Variants in SUSD5 observed in about 807,000 individuals in gnomAD.
SUSD5 encodes sushi domain containing 5.
SUSD5 carries 33 observed loss-of-function variants against 29.5 expected under a neutral mutation model. That is an observed-to-expected ratio of 1.12 (90% CI 0.85 to 1.49). SUSD5 has a LOEUF of 1.49. Among genes scored for constraint, SUSD5 ranks in the 40% most tolerant of loss-of-function variants. The probability of loss-of-function intolerance (pLI) is 0.00; values close to 1 mark genes in which losing one functional copy is unlikely to be tolerated. For missense variants in SUSD5, 776 were observed against 800.6 expected (o/e 0.97, Z 0.37); for synonymous variants, 308 against 325.3 (o/e 0.95, Z 0.57).
intron 4 of SUSD5, among the ~76,000 whole-genome samples, chr3:33,154,893 T>C (rs1485731955): frequency 4.6e-5 from 7 of 152,114 alleles, no homozygotes; most frequent in African/African-American, 1.7e-4. Context: ...AATAAAAATC[T>C]CAGACATTAA....
At chr3:33,211,754 A>T (rs2032328181) in intron 2 of SUSD5, among the ~76,000 whole-genome samples, 2 of 152,318 alleles carry the variant, frequency 1.3e-5, no homozygotes, top group South Asian at 4.1e-4. Flanking sequence ...TGACTAAAGA[A>T]GTGTTTATTT....
intron 4 of SUSD5, among the ~76,000 whole-genome samples, chr3:33,165,577 A>G (rs1475881680): frequency 6.6e-6 from 1 of 152,260 alleles, no homozygotes; most frequent in Non-Finnish European, 1.5e-5. Context: ...AAACTGGCAC[A>G]GTATTTGGCT....
At chr3:33,210,879 CATTA>C (rs1051409821) in intron 2 of SUSD5, among the ~76,000 whole-genome samples, 2 of 75,668 alleles carry the variant, frequency 2.6e-5, no homozygotes, top group South Asian at 4.2e-4. Context: ...TTCTTTCTTT[CATTA>C]TTTATTTTGA....
rs201460167 is a variant in SUSD5 at position 33,213,917 on chromosome 3, G to A, written c.290+11C>T. Reference sequence around the variant, plus strand: ...GGGGTGAGTTGGAAAAGGAGTGCTCGCCTAACTTACCCAAGAGTACCATCT... The same window carrying A: ...GGGGTGAGTTGGAAAAGGAGTGCTCACCTAACTTACCCAAGAGTACCATCT... On this transcript the variant is annotated intron_variant, in intron 2 of 4. Transcript: ENST00000309558. 160 of 1,580,790 alleles carry A rather than the reference G, an allele frequency of 1.0e-4. No homozygotes were observed. In the African/African-American group the frequency reaches 1.8e-3, roughly 17 times the overall value.
chr3:33,213,945 T>C lies in SUSD5; in HGVS notation c.273A>G (p.Leu91=), dbSNP rs745330968. 6.2e-7 allele frequency: 1 copy of C among 1,601,948 alleles called. No individual in the cohort carries two copies. Among genetic ancestry groups the C allele is most frequent in the Non-Finnish European group, 8.5e-7 (1 of 1,173,626 alleles). ...CSFAVCTTGW[L]ADGTLGTTVC... ...TAACTTACCCAAGAGTACCATCTGC[T>C]AGCCAGCCAGTGGTGCACACCGCAA... The change falls in exon 2 of 5, where the codon CTA becomes CTG. Residue 91 remains leucine (L), a synonymous_variant. Transcript: ENST00000309558.
chr3:33,169,056 C>T (rs919557331), intron 4 of SUSD5, among the ~76,000 whole-genome samples: 4 of 143,380 alleles, frequency 2.8e-5, no homozygotes, highest in South Asian at 4.9e-4. Context: ...AATTGGTACT[C>T]GACATTTCTA....
rs2030851190 is a variant in SUSD5, at chr3:33,150,662, T to G, written c.*2080A>C. 6.6e-6 allele frequency: 1 copy of G among 152,240 alleles called. No homozygotes were observed. Among genetic ancestry groups the G allele is most frequent in the Admixed American group, 6.5e-5 (1 of 15,288 alleles). 9.4% of individuals were successfully genotyped at this position (152,240 alleles called of 1,614,324 possible). ...CTAGTTGGTACCTTCAGGCTTTATT[T>G]TACCCAACTATGGGGAATAAGATCT... On this transcript the variant is annotated 3_prime_UTR_variant, in exon 5 of 5. Transcript: ENST00000309558.
chr3:33,175,469 G>A (rs1391330357), intron 3 of SUSD5, among the ~76,000 whole-genome samples: 1 of 151,850 alleles, frequency 6.6e-6, no homozygotes, highest in Non-Finnish European at 1.5e-5. Flanking sequence ...GTACAGCAGA[G>A]GGTATCTTTC....
intron 2 of SUSD5, among the ~76,000 whole-genome samples, chr3:33,209,551 C>CTCCTT (rs1048033127): frequency 9.3e-5 from 14 of 151,342 alleles, no homozygotes; most frequent in Admixed American, 2.6e-4. Context: ...AAGTCTTTCT[C>CTCCTT]TCCTTTCCTT....
chr3:33,186,245 T>C (rs1467559428), intron 3 of SUSD5, among the ~76,000 whole-genome samples: 2 of 150,652 alleles, frequency 1.3e-5, no homozygotes, highest in Non-Finnish European at 1.5e-5. Flanking sequence ...GAGCTTGCAG[T>C]GAGCCGAGAT....
Position 33,209,538 on chromosome 3 carries a change from T to A in SUSD5, c.291-1612A>T, listed in dbSNP as rs186255924. ...TAATCCTCTCTTTGGCTCTTTTTTT[T>A]AAAAGTCTTTCTCTCCTTTCCTTTC... On this transcript the variant is annotated intron_variant, in intron 2 of 4. Transcript: ENST00000309558. Among the ~76,000 whole-genome samples the A allele has an allele frequency of 9.5e-4, 145 of 152,180 alleles. 3 individuals are homozygous for A. The highest frequency in any genetic ancestry group is 4.4e-3 in the East Asian group (23 of 5,186).
At chr3:33,211,030 T>C (rs945549745) in intron 2 of SUSD5, among the ~76,000 whole-genome samples, 16 of 152,232 alleles carry the variant, frequency 1.1e-4, no homozygotes, top group Non-Finnish European at 2.2e-4. Flanking sequence ...CACACCACCA[T>C]GCCCAGCTAA....
intron 3 of SUSD5, among the ~76,000 whole-genome samples, chr3:33,205,339 G>C (rs1328393531): frequency 6.6e-6 from 1 of 152,056 alleles, no homozygotes; most frequent in South Asian, 2.1e-4. Context: ...CAGTTGCTTA[G>C]CCTTTTTTAT....
chr3:33,215,897 G>T (rs1559459426), intron 1 of SUSD5, among the ~76,000 whole-genome samples: 1 of 152,146 alleles, frequency 6.6e-6, no homozygotes, highest in Non-Finnish European at 1.5e-5. Flanking sequence ...AAAAAGTATG[G>T]TTGAGAATCA....
Position 33,152,431 on chromosome 3 carries a change from G to T in SUSD5, c.*311C>A. 3.5e-6 allele frequency: 1 copy of T among 287,926 alleles called. No individual in the cohort carries two copies. The highest frequency in any genetic ancestry group is 2.2e-5 in the African/African-American group (1 of 45,240). The allele number at this position is 287,926 out of a possible 1,614,324, so 17.8% of individuals were successfully genotyped here. ...TGAGACTCTGTCTCAAAAAAAAAAA[G>T]ATAATACTGTGATGAAGGAAGAGGC... On this transcript the variant is annotated 3_prime_UTR_variant, in exon 5 of 5. Coordinates refer to ENST00000309558, the MANE Select transcript of SUSD5 (RefSeq NM_015551.2).
intron 3 of SUSD5, 123 bp downstream of exon 3, chr3:33,207,685 A>G (rs146260086): frequency 5.7e-5 from 34 of 598,610 alleles, no homozygotes; most frequent in African/African-American, 5.6e-4. Flanking sequence ...TCTTTGGAAG[A>G]CTTCCTGATA....
chr3:33,152,721 G>A lies in SUSD5; in HGVS notation c.*21C>T, dbSNP rs2030929255. On this transcript the variant is annotated 3_prime_UTR_variant, in exon 5 of 5. Transcript: ENST00000309558. ...TTATTTTCCTCCCAAGTGGCTTTGG[G>A]AGAACCCACTCCAAAGGTGCCTAGA... 5 of 1,575,072 alleles carry A rather than the reference G, an allele frequency of 3.2e-6. No individual in the cohort carries two copies. Among genetic ancestry groups the A allele is most frequent in the Non-Finnish European group, 4.3e-6 (5 of 1,160,774 alleles).
intron 3 of SUSD5, among the ~76,000 whole-genome samples, chr3:33,201,723 A>G (rs994911923): frequency 4.6e-5 from 7 of 152,006 alleles, no homozygotes; most frequent in Non-Finnish European, 1.0e-4. Flanking sequence ...CCCAACAGCT[A>G]CTCAAGCCCC....
intron 2 of SUSD5, among the ~76,000 whole-genome samples, chr3:33,209,645 TTC>T (rs1012256707): frequency 6.6e-6 from 1 of 150,598 alleles, no homozygotes; most frequent in Non-Finnish European, 1.5e-5. Flanking sequence ...TTTCTCTCTC[TTC>T]TTTCTTTCTT....
Sources: allele counts gnomAD v4.1 joint callset (sites outside exome capture counted in the v4.1 genomes callset), GRCh38; gene constraint gnomAD v4.1.1; transcripts MANE v1.5; gene names NCBI Gene and HGNC (gene_info 2026-07-23, HGNC 2026-07-21).